Variants in SGCZ observed in about 807,000 individuals in gnomAD.
SGCZ encodes the protein sarcoglycan zeta.
A neutral mutation model predicts 41.3 loss-of-function variants in SGCZ; 40 were observed. The observed-to-expected ratio is 0.97, with a 90% confidence interval of 0.75 to 1.26. The LOEUF is 1.26. Ranked by LOEUF, SGCZ falls within the 50% of genes most tolerant of loss-of-function variation. The pLI, the probability that SGCZ is intolerant of heterozygous loss-of-function variation, is 0.00. For synonymous variants in SGCZ, 206 were observed against 137.5 expected (o/e 1.50, Z -3.49); for missense variants, 552 against 369.8 (o/e 1.49, Z -4.04).
intron 1 of SGCZ, among the ~76,000 whole-genome samples, chr8:14,968,313 T>C (rs1303283482): frequency 6.6e-6 from 1 of 152,136 alleles, no homozygotes; most frequent in Non-Finnish European, 1.5e-5. Context: ...GAACAGACCC[T>C]CTGGGAACAT....
chr8:15,191,670 T>C (rs1800544748), intron 1 of SGCZ, among the ~76,000 whole-genome samples: 1 of 151,962 alleles, frequency 6.6e-6, no homozygotes, highest in Non-Finnish European at 1.5e-5. Context: ...ATAACTAACA[T>C]TTAGGAAATT....
chr8:14,936,489 C>G (rs1293830253), intron 1 of SGCZ, among the ~76,000 whole-genome samples: 1 of 151,790 alleles, frequency 6.6e-6, no homozygotes, highest in East Asian at 1.9e-4. Flanking sequence ...TATACATACT[C>G]AGAGTATGGT....
At chr8:14,379,114 G>A (rs1804260102) in intron 2 of SGCZ, among the ~76,000 whole-genome samples, 2 of 152,106 alleles carry the variant, frequency 1.3e-5, no homozygotes, top group Non-Finnish European at 2.9e-5. Context: ...AATTCTTCCT[G>A]AGGTATCAGC....
intron 3 of SGCZ, among the ~76,000 whole-genome samples, chr8:14,285,147 G>A (rs778171772): frequency 3.9e-5 from 6 of 151,942 alleles, no homozygotes; most frequent in Admixed American, 2.6e-4. Flanking sequence ...TCAGTTCCTT[G>A]GTCATGATCC....
intron 1 of SGCZ, among the ~76,000 whole-genome samples, chr8:14,791,392 C>G (rs1800946864): frequency 6.6e-6 from 1 of 151,980 alleles, no homozygotes; most frequent in Non-Finnish European, 1.5e-5. Flanking sequence ...TAGGAGTTAT[C>G]CTGAGAAGCA....
At chr8:14,739,267 A>G (rs1799133182) in intron 1 of SGCZ, among the ~76,000 whole-genome samples, 1 of 152,048 alleles carries the variant, frequency 6.6e-6, no homozygotes, top group African/African-American at 2.4e-5. Context: ...GACAATTAAA[A>G]GGGGAAAAAT....
chr8:14,528,676 A>T (rs923907289), intron 2 of SGCZ, among the ~76,000 whole-genome samples: 8 of 151,918 alleles, frequency 5.3e-5, no homozygotes, highest in Non-Finnish European at 1.0e-4. Context: ...ATATGAGAAA[A>T]CTGATACTTG....
At chr8:15,139,803 T>C (rs73665387) in intron 1 of SGCZ, among the ~76,000 whole-genome samples, 174 of 152,306 alleles carry the variant, frequency 1.1e-3, no homozygotes, top group African/African-American at 3.5e-3. Context: ...TACTGTTTTA[T>C]TGTTATCTAT....
At chr8:14,439,701 A>T (rs1800193260) in intron 2 of SGCZ, among the ~76,000 whole-genome samples, 1 of 152,030 alleles carries the variant, frequency 6.6e-6, no homozygotes, top group African/African-American at 2.4e-5. Context: ...ACTGATAGAG[A>T]ATAAAATTGA....
chr8:14,246,381 G>C (rs1461941415), intron 3 of SGCZ, among the ~76,000 whole-genome samples: 1 of 151,828 alleles, frequency 6.6e-6, no homozygotes, highest in Non-Finnish European at 1.5e-5. Flanking sequence ...TCACTCATAG[G>C]TGGGAATTGA....
chr8:14,987,540 C>A (rs542772947), intron 1 of SGCZ, among the ~76,000 whole-genome samples: 2 of 151,924 alleles, frequency 1.3e-5, no homozygotes, highest in Non-Finnish European at 2.9e-5. Context: ...TTACCTGACT[C>A]TGCACAGAAA....
intron 1 of SGCZ, among the ~76,000 whole-genome samples, chr8:14,802,767 T>A (rs1585273403): frequency 6.6e-6 from 1 of 152,106 alleles, no homozygotes; most frequent in Non-Finnish European, 1.5e-5. Context: ...AAAGACAAAT[T>A]GAAAAATGGG....
intron 1 of SGCZ, among the ~76,000 whole-genome samples, chr8:14,739,368 T>C (rs1040629329): frequency 6.6e-6 from 1 of 152,048 alleles, no homozygotes; most frequent in East Asian, 1.9e-4. Context: ...ATTATCTACA[T>C]AGAGAAATAA....
At chr8:14,231,475 T>C (rs768981973) in intron 4 of SGCZ, among the ~76,000 whole-genome samples, 5 of 151,992 alleles carry the variant, frequency 3.3e-5, no homozygotes, top group Non-Finnish European at 4.4e-5. Flanking sequence ...AATTGACCAA[T>C]GGCAAACACA....
chr8:14,931,705 A>T (rs1270986841), intron 1 of SGCZ, among the ~76,000 whole-genome samples: 1 of 152,098 alleles, frequency 6.6e-6, no homozygotes, highest in Admixed American at 6.5e-5. Flanking sequence ...TAAATATAGT[A>T]CTTGACATTC....
intron 1 of SGCZ, among the ~76,000 whole-genome samples, chr8:14,597,439 C>T (rs532637111): frequency 2.8e-4 from 43 of 152,122 alleles, no homozygotes; most frequent in African/African-American, 8.9e-4. Context: ...TCAGGAAAAC[C>T]GTCCAGGAAA....
chr8:14,742,893 A>C (rs1799234645), intron 1 of SGCZ, among the ~76,000 whole-genome samples: 1 of 152,140 alleles, frequency 6.6e-6, no homozygotes, highest in Admixed American at 6.6e-5. Context: ...ATAAATATTC[A>C]AAAGTTACTT....
intron 1 of SGCZ, among the ~76,000 whole-genome samples, chr8:15,065,975 G>A (rs1292481994): frequency 6.6e-6 from 1 of 152,160 alleles, no homozygotes; most frequent in Non-Finnish European, 1.5e-5. Flanking sequence ...ATTACAAACT[G>A]TTAGTGACTT....
intron 1 of SGCZ, among the ~76,000 whole-genome samples, chr8:15,148,197 G>A (rs191423060): frequency 1.8e-4 from 28 of 152,286 alleles, no homozygotes; most frequent in Middle Eastern, 3.4e-3. Flanking sequence ...ACACATTGAT[G>A]CCTTTTTAAT....
Sources: gnomAD v4.1 joint callset for allele counts (sites outside exome capture counted in the v4.1 genomes callset) on GRCh38, gnomAD v4.1.1 for gene constraint, MANE v1.5 for transcripts, NCBI Gene and HGNC (gene_info 2026-07-23, HGNC 2026-07-21) for gene names.